DCAF6: variants seen among roughly 807,000 people sequenced by gnomAD.
DCAF6 encodes DDB1 and CUL4 associated factor 6.
DCAF6 carries 54 observed loss-of-function variants against 125.1 expected under a neutral mutation model. The observed-to-expected ratio is 0.43, with a 90% CI of 0.35 to 0.54. The LOEUF (loss-of-function observed/expected upper bound fraction) is 0.54, where lower values mean the gene tolerates loss of function less well. Ranked by LOEUF, DCAF6 falls within the 20% of genes least tolerant of loss-of-function variation. The pLI is 0.01. For missense variants in DCAF6, 934 were observed against 1,161.7 expected (o/e 0.80, Z 2.85); for synonymous variants, 371 against 390.4 (o/e 0.95, Z 0.58).
At chr1:167,901,045 T>C in the DCAF6 span, among the ~76,000 whole-genome samples, 1 of 152,228 alleles carries the variant, frequency 6.6e-6, no homozygotes, top group African/African-American at 2.4e-5. Context: ...TTTTCATCTA[T>C]GAAATGGATA....
the DCAF6 span, chr1:167,883,720 G>T: frequency 1.7e-6 from 2 of 1,194,138 alleles, no homozygotes; most frequent in South Asian, 1.2e-5. Flanking sequence ...ATCATCTAGG[G>T]AATGTCTACC....
chr1:167,919,730 T>C, the DCAF6 span, among the ~76,000 whole-genome samples: 1 of 152,192 alleles, frequency 6.6e-6, no homozygotes, highest in Non-Finnish European at 1.5e-5. Context: ...GGTAACATAC[T>C]GCTTAACTGA....
At position 168,002,504 on chromosome 1, in the gene DCAF6, G is replaced by A. The variant is rs1275161266; in HGVS notation, c.926G>A (p.Arg309His). ...TAGTTGCGACAACCACCAGTTAAGC[G>A]TTTGAGACTTCGTGGTGATTGGTCA... ...REELRQPPVK[R>H]LRLRGDWSDT... The change falls in exon 8 of 22, where the codon CGT becomes CAT. Residue 309 changes from arginine (R) to histidine (H), a missense_variant. Around this residue, in one of 5 missense-constraint regions of DCAF6, gnomAD observed 3 missense variants for 20.2 expected, o/e 0.15. Transcript: ENST00000367840. 2 of 1,612,960 alleles carry A rather than the reference G, an allele frequency of 1.2e-6. No individual in the cohort carries two copies. The highest frequency in any genetic ancestry group is 1.7e-6 in the Non-Finnish European group (2 of 1,179,170).
In DCAF6 at chr1:167,999,420, G is replaced by C. The variant is rs1376286411; in HGVS notation, c.904-3062G>C. 2.0e-5 allele frequency among the ~76,000 whole-genome samples: 3 copies of C among 152,290 alleles called. No homozygotes were observed. In the South Asian group the frequency reaches 6.2e-4, roughly 32 times the overall value. On this transcript the variant is annotated intron_variant, in intron 7 of 21. Coordinates refer to ENST00000367840, the MANE Select transcript of DCAF6 (RefSeq NM_001198956.2). ...TAACAAGAGAACCAGCATGTCCTTC[G>C]AAGCTTTGAAGGCAGGCATCAGCTT...
chr1:168,052,941 A>G (rs1353595255), intron 17 of DCAF6, among the ~76,000 whole-genome samples: 1 of 152,184 alleles, frequency 6.6e-6, no homozygotes, highest in Non-Finnish European at 1.5e-5. Flanking sequence ...ACTTCATATT[A>G]TAGCTGCTGC....
chr1:168,053,680 C>G (rs1572111858), intron 17 of DCAF6, among the ~76,000 whole-genome samples: 2 of 152,180 alleles, frequency 1.3e-5, no homozygotes, highest in African/African-American at 4.8e-5. Context: ...GCTTATAACT[C>G]AAAATCCAGG....
chr1:168,038,383 A>G lies in DCAF6; in HGVS notation c.1622A>G (p.Glu541Gly). 1 of 1,608,668 alleles carries G rather than the reference A, an allele frequency of 6.2e-7. No individual in the cohort carries two copies. Among genetic ancestry groups the G allele is most frequent in the Non-Finnish European group, 8.5e-7 (1 of 1,177,972 alleles). ...SLDEQQDNNNEKLSPKPGTGE... is the reference protein window; with the variant it reads ...SLDEQQDNNNGKLSPKPGTGE... ...ACACAATTTTCAGATAACAATAATG[A>G]AAAGCTGAGCCCCAAACCAGGGACA... is the stretch of plus-strand genomic sequence containing the variant. The change falls in exon 13 of 22, where the codon GAA becomes GGA. Residue 541 changes from glutamate to glycine, a missense_variant. This residue lies in a region of DCAF6 where 559 missense variants were observed against 635.5 expected (regional missense o/e 0.88). Coordinates refer to ENST00000367840, the MANE Select transcript of DCAF6 (RefSeq NM_001198956.2).
At chr1:167,968,699 G>A (rs1037877678) in intron 3 of DCAF6, among the ~76,000 whole-genome samples, 11 of 152,348 alleles carry the variant, frequency 7.2e-5, no homozygotes, top group African/African-American at 2.6e-4. Context: ...TGGAAAACCT[G>A]TGCATGGTTG....
At chr1:167,933,226 G>A (rs1476747327), upstream of DCAF6, among the ~76,000 whole-genome samples, 2 of 148,910 alleles carry the variant, frequency 1.3e-5, no homozygotes, top group African/African-American at 5.0e-5. Flanking sequence ...GGAGTGCAAT[G>A]GCACGATCTT....
At chr1:167,902,556 TTCTC>T in the DCAF6 span, among the ~76,000 whole-genome samples, 1 of 152,262 alleles carries the variant, frequency 6.6e-6, no homozygotes, top group African/African-American at 2.4e-5. Flanking sequence ...TAAATGGCCA[TTCTC>T]TCTTTTAGTT....
chr1:167,940,971 T>TA (rs920321252), intron 1 of DCAF6, among the ~76,000 whole-genome samples: 10 of 152,296 alleles, frequency 6.6e-5, no homozygotes, highest in Admixed American at 1.3e-4. Flanking sequence ...TTAGAGTCAG[T>TA]ATGTACTGAA....
the DCAF6 span, among the ~76,000 whole-genome samples, chr1:167,909,760 A>T: frequency 6.6e-6 from 1 of 152,284 alleles, no homozygotes; most frequent in South Asian, 2.1e-4. Flanking sequence ...CAGTTGCTAC[A>T]TATCTCAGCC....
At chr1:167,995,094 T>C (rs1272285128) in intron 7 of DCAF6, among the ~76,000 whole-genome samples, 2 of 152,196 alleles carry the variant, frequency 1.3e-5, no homozygotes, top group African/African-American at 2.4e-5. Flanking sequence ...GTTAAAAACA[T>C]GAAATCTGCT....
rs780181955 is a variant in DCAF6, at chr1:168,002,516, G to A, written c.938G>A (p.Arg313His). 6.2e-7 allele frequency: 1 copy of A among 1,612,982 alleles called. No homozygotes were observed. Residue 313 changes from arginine (R) to histidine (H), a missense_variant, in exon 8 of 22, where the codon CGT becomes CAT. Coordinates refer to ENST00000367840, the MANE Select transcript of DCAF6 (RefSeq NM_001198956.2). The stretch of plus-strand genomic sequence containing the variant: ...CCACCAGTTAAGCGTTTGAGACTTC[G>A]TGGTGATTGGTCAGATACTGGACCC... ...RQPPVKRLRL[R>H]GDWSDTGPRA...
intron 3 of DCAF6, among the ~76,000 whole-genome samples, chr1:167,971,782 A>G (rs1677345171): frequency 6.6e-6 from 1 of 152,206 alleles, no homozygotes; most frequent in African/African-American, 2.4e-5. Flanking sequence ...TGTTTTCAGA[A>G]TAACTCATAA....
Position 167,975,159 on chromosome 1 carries a change from G to A in DCAF6, c.438+144G>A, listed in dbSNP as rs190047146. On this transcript the variant is annotated intron_variant, in intron 4 of 21. Transcript: ENST00000367840. ...CATATAAATTATTGACAATATCTAG[G>A]TGTCAGCAGAGCATTTGAGAAAATG... The A allele has an allele frequency of 8.6e-6, 4 of 463,230 alleles. No homozygotes were observed. In the East Asian group the frequency reaches 1.1e-4, roughly 12 times the overall value. 28.7% of individuals were successfully genotyped at this position (463,230 alleles called of 1,614,324 possible).
chr1:167,972,327 CGAA>C (rs1466123561), intron 3 of DCAF6, among the ~76,000 whole-genome samples: 1 of 152,114 alleles, frequency 6.6e-6, no homozygotes, highest in East Asian at 1.9e-4. Context: ...ATACATAACA[CGAA>C]TAATAATTCT....
the DCAF6 span, among the ~76,000 whole-genome samples, chr1:167,888,318 T>C: frequency 6.6e-6 from 1 of 152,186 alleles, no homozygotes; most frequent in African/African-American, 2.4e-5. Context: ...GTGAAGAATG[T>C]CATTGGTATT....
At chr1:167,933,169 G>GTT (rs112730724), upstream of DCAF6, among the ~76,000 whole-genome samples, 81 of 139,224 alleles carry the variant, frequency 5.8e-4, no homozygotes, top group African/African-American at 9.2e-4. Flanking sequence ...AAACACATTA[G>GTT]TTTTTTTTTT....
Sources: allele counts gnomAD v4.1 joint callset (sites outside exome capture counted in the v4.1 genomes callset), GRCh38; gene constraint gnomAD v4.1.1; regional missense constraint gnomAD v4.1.1; transcripts MANE v1.5; gene names NCBI Gene and HGNC (gene_info 2026-07-23, HGNC 2026-07-21).